Variants in LRRC4C observed in about 807,000 individuals in gnomAD.
LRRC4C encodes the protein leucine-rich repeat-containing protein 4C.
LRRC4C carries 5 observed loss-of-function variants against 33.6 expected under a neutral mutation model. The ratio of observed to expected loss-of-function variants is 0.15; its 90% CI spans 0.08 to 0.31. The LOEUF (loss-of-function observed/expected upper bound fraction) is 0.31. LRRC4C is among the 10% of genes least tolerant of loss of function. LRRC4C has a pLI of 1.00. For synonymous variants in LRRC4C, 329 were observed against 302.0 expected, an observed-to-expected ratio of 1.09 and a Z score of -0.93; for missense variants, 560 against 796.7, an observed-to-expected ratio of 0.70 and a Z score of 3.58.
rs1240509883 is a variant in LRRC4C at position 40,650,553 on chromosome 11, C to T, written c.-406-2275G>A. Among the ~76,000 whole-genome samples, 6 of 152,100 alleles carry T rather than the reference C, an allele frequency of 3.9e-5. No homozygotes were observed. The East Asian group carries it at 1.2e-3, about 29-fold the overall frequency. ...TCCTATTTTTATAGATGAGATGCTGCCCAATTCATGAATAATTAATAAAAG... is the reference window on the plus strand; with the variant it reads ...TCCTATTTTTATAGATGAGATGCTGTCCAATTCATGAATAATTAATAAAAG... On this transcript the variant is annotated intron_variant, in intron 2 of 6. Transcript: ENST00000528697.
intron 1 of LRRC4C, among the ~76,000 whole-genome samples, chr11:41,331,866 A>C (rs1182313654): frequency 6.6e-6 from 1 of 152,176 alleles, no homozygotes; most frequent in Non-Finnish European, 1.5e-5. Context: ...GTGCTGATGG[A>C]ACTATTAACT....
intron 1 of LRRC4C, among the ~76,000 whole-genome samples, chr11:41,397,012 A>G (rs930522011): frequency 6.6e-6 from 1 of 152,026 alleles, no homozygotes; most frequent in Non-Finnish European, 1.5e-5. Context: ...ATGAAGATGT[A>G]AATACGATTT....
intron 1 of LRRC4C, among the ~76,000 whole-genome samples, chr11:41,126,275 G>T (rs893737803): frequency 1.3e-5 from 2 of 151,568 alleles, no homozygotes; most frequent in Non-Finnish European, 2.9e-5. Context: ...ATAGCTTCAG[G>T]ATAAAGATTA....
chr11:41,137,645 T>C (rs1312983693), intron 1 of LRRC4C, among the ~76,000 whole-genome samples: 1 of 152,134 alleles, frequency 6.6e-6, no homozygotes, highest in Non-Finnish European at 1.5e-5. Flanking sequence ...AACCAAAATA[T>C]ATAATCAGAT....
intron 1 of LRRC4C, among the ~76,000 whole-genome samples, chr11:41,075,736 C>A (rs982136234): frequency 2.0e-5 from 3 of 152,124 alleles, no homozygotes; most frequent in Non-Finnish European, 4.4e-5. Context: ...TGTGTATTAT[C>A]TGCCCTTAAT....
chr11:40,147,022 C>G (rs549078050), intron 5 of LRRC4C, among the ~76,000 whole-genome samples: 4 of 152,280 alleles, frequency 2.6e-5, no homozygotes, highest in Admixed American at 2.0e-4. Context: ...TAGATTTAAT[C>G]CACTAGAAAA....
intron 2 of LRRC4C, among the ~76,000 whole-genome samples, chr11:40,719,532 T>C (rs1198137831): frequency 2.0e-5 from 3 of 152,204 alleles, no homozygotes; most frequent in Non-Finnish European, 4.4e-5. Flanking sequence ...TCCAATTCCA[T>C]CTGTCCTGAA....
chr11:41,256,209 C>T (rs1243609527), intron 1 of LRRC4C, among the ~76,000 whole-genome samples: 1 of 151,970 alleles, frequency 6.6e-6, no homozygotes, highest in Non-Finnish European at 1.5e-5. Context: ...TCCCGCATAG[C>T]TCAGTCACCC....
chr11:41,001,715 C>A (rs1362766797), intron 1 of LRRC4C, among the ~76,000 whole-genome samples: 1 of 152,138 alleles, frequency 6.6e-6, no homozygotes, highest in Admixed American at 6.5e-5. Context: ...CTGGAAAAGA[C>A]CTCGTTTATT....
At chr11:41,102,612 G>A (rs1045513951) in intron 1 of LRRC4C, among the ~76,000 whole-genome samples, 1 of 151,946 alleles carries the variant, frequency 6.6e-6, no homozygotes, top group Non-Finnish European at 1.5e-5. Context: ...GGTTGCTTTG[G>A]TTGCTGTAAT....
rs562330034 is a variant in LRRC4C at position 40,171,953 on chromosome 11, G to GTTGCCGTAAGCTGAGA, written c.-95-31116_-95-31101dup. On this transcript the variant is annotated intron_variant, in intron 5 of 6. Transcript: ENST00000528697. ...GGAGAATTGAACTCAGGAGGTGGAG[G>GTTGCCGTAAGCTGAGA]TTGCCGTAAGCTGAGATTGCACCAC... is the stretch of plus-strand genomic sequence containing the variant. Among the ~76,000 whole-genome samples, 69 of 152,272 alleles carry GTTGCCGTAAGCTGAGA rather than the reference G, an allele frequency of 4.5e-4. 1 individual carries two copies. Among genetic ancestry groups the GTTGCCGTAAGCTGAGA allele is most frequent in the East Asian group, 4.4e-3 (23 of 5,172 alleles).
intron 1 of LRRC4C, among the ~76,000 whole-genome samples, chr11:41,276,534 T>C (rs898621946): frequency 6.6e-6 from 1 of 152,208 alleles, no homozygotes; most frequent in Non-Finnish European, 1.5e-5. Context: ...TATCATTTAA[T>C]TATGTAACTA....
At chr11:40,737,186 C>A (rs974449311) in intron 2 of LRRC4C, among the ~76,000 whole-genome samples, 1 of 152,066 alleles carries the variant, frequency 6.6e-6, no homozygotes, top group Non-Finnish European at 1.5e-5. Flanking sequence ...ATGCTAACAA[C>A]TCTCAATAAA....
intron 2 of LRRC4C, among the ~76,000 whole-genome samples, chr11:40,696,288 A>ATATATATACACACATATATATATATGAG (rs1555147491): frequency 4.0e-5 from 5 of 125,604 alleles, no homozygotes; most frequent in African/African-American, 1.7e-4. Context: ...CCACATATAT[A>ATATATATACACACATATATATATATGAG]TATATATATA....
intron 3 of LRRC4C, among the ~76,000 whole-genome samples, chr11:40,498,841 G>A (rs2138597458): frequency 6.6e-6 from 1 of 152,206 alleles, no homozygotes; most frequent in Non-Finnish European, 1.5e-5. Flanking sequence ...ATTTTTACTG[G>A]ACTAAGTGGA....
At chr11:41,193,489 C>T (rs544128631) in intron 1 of LRRC4C, among the ~76,000 whole-genome samples, 1 of 152,180 alleles carries the variant, frequency 6.6e-6, no homozygotes, top group African/African-American at 2.4e-5. Flanking sequence ...ATAGAAAAAG[C>T]CATGAAACCC....
chr11:40,223,805 C>T (rs557869451), intron 5 of LRRC4C, among the ~76,000 whole-genome samples: 3 of 152,178 alleles, frequency 2.0e-5, no homozygotes, highest in Non-Finnish European at 4.4e-5. Flanking sequence ...CTTTCCAAGA[C>T]CTTCCATTCA....
chr11:41,356,256 G>A (rs115411500), intron 1 of LRRC4C, among the ~76,000 whole-genome samples: 2,949 of 152,140 alleles, frequency 0.019, 92 homozygotes, highest in African/African-American at 0.068. Flanking sequence ...GATGTTATAG[G>A]TACCAGATGT....
intron 1 of LRRC4C, among the ~76,000 whole-genome samples, chr11:41,117,721 C>CA (rs1485851351): frequency 1.3e-5 from 2 of 151,972 alleles, no homozygotes; most frequent in South Asian, 2.1e-4. Flanking sequence ...GTCTTTTGCC[C>CA]CTACCCTCCA....
Sources: allele counts gnomAD v4.1 joint callset (sites outside exome capture counted in the v4.1 genomes callset), GRCh38; gene constraint gnomAD v4.1.1; transcripts MANE v1.5; gene names NCBI Gene and HGNC (gene_info 2026-07-23, HGNC 2026-07-21).